FBLIM1: variants seen among roughly 807,000 people sequenced by gnomAD.
The protein encoded by FBLIM1 is filamin-binding LIM protein 1.
In FBLIM1, 29 loss-of-function variants were observed where a neutral mutation model predicts 37.4. The ratio of observed to expected loss-of-function variants is 0.77; its 90% CI spans 0.58 to 1.06. The LOEUF (loss-of-function observed/expected upper bound fraction) is 1.06. Ranked by LOEUF, FBLIM1 falls within the 50% of genes least tolerant of loss-of-function variation. The probability of loss-of-function intolerance (pLI) is 0.00; values close to 1 mark genes in which losing one functional copy is unlikely to be tolerated. For missense variants in FBLIM1, 449 were observed against 505.6 expected (o/e 0.89, Z 1.07); for synonymous variants, 193 against 199.0 (o/e 0.97, Z 0.25).
intron 8 of FBLIM1, among the ~76,000 whole-genome samples, chr1:15,783,158 C>A (rs566030855): frequency 6.6e-6 from 1 of 152,102 alleles, no homozygotes; most frequent in Non-Finnish European, 1.5e-5. Flanking sequence ...CAAGTCTCTG[C>A]GCGCAAATTG....
rs1162659019 is a variant in FBLIM1, at chr1:15,768,552, C to T, written c.463C>T (p.Gln155Ter). The change falls in exon 5 of 9, where the codon CAG becomes TAG. Residue 155 changes from glutamine (Q) to a stop codon, truncating the protein, a stop_gained. Coordinates refer to ENST00000375766, the MANE Select transcript of FBLIM1 (RefSeq NM_017556.4). LOFTEE classifies it high-confidence loss of function. ...GGCCCCAGCGGAGGGACCTTCAGTC[C>T]AGCCCGGTCCCCTCAGGCCCATGGA... Reference protein sequence around the residue: ...PQAPAEGPSVQPGPLRPMEEE... With the variant: ...PQAPAEGPSV The T allele has an allele frequency of 2.5e-6, 4 of 1,605,034 alleles. No homozygotes were observed. Among genetic ancestry groups the T allele is most frequent in the South Asian group, 1.1e-5 (1 of 89,602 alleles).
intron 6 of FBLIM1, among the ~76,000 whole-genome samples, chr1:15,773,510 C>A (rs2069326676): frequency 6.6e-6 from 1 of 150,904 alleles, no homozygotes; most frequent in Non-Finnish European, 1.5e-5. Flanking sequence ...GAAACCCCGT[C>A]TCTACTAAAA....
chr1:15,772,465 A>AG (rs1238411915), intron 6 of FBLIM1, among the ~76,000 whole-genome samples: 1 of 152,016 alleles, frequency 6.6e-6, no homozygotes, highest in Non-Finnish European at 1.5e-5. Context: ...CATGAGAGGG[A>AG]GGGGGGAGTG....
chr1:15,781,804 C>T (rs2069649503), intron 8 of FBLIM1, among the ~76,000 whole-genome samples: 1 of 146,264 alleles, frequency 6.8e-6, no homozygotes, highest in Non-Finnish European at 1.5e-5. Flanking sequence ...CTGCAAGCTG[C>T]ACCTCCCGGG....
At chr1:15,757,343 C>G (rs1420711743), upstream of FBLIM1, among the ~76,000 whole-genome samples, 1 of 152,178 alleles carries the variant, frequency 6.6e-6, no homozygotes. This position sits in a 1 kb window ranked among gnomAD's most constrained non-coding sequence, Gnocchi z 4.1. Context: ...TTGAGCCTCT[C>G]GGGGCCTCAG....
chr1:15,772,982 C>T (rs2069293748), intron 6 of FBLIM1, among the ~76,000 whole-genome samples: 1 of 151,716 alleles, frequency 6.6e-6, no homozygotes, highest in Non-Finnish European at 1.5e-5. Flanking sequence ...ACGGGGGTTT[C>T]ACCATGTTGG....
At chr1:15,767,966 C>T (rs1298618206) in intron 4 of FBLIM1, among the ~76,000 whole-genome samples, 1 of 152,106 alleles carries the variant, frequency 6.6e-6, no homozygotes, top group Non-Finnish European at 1.5e-5. Flanking sequence ...TCACTGTAGC[C>T]TCCACCTCCC....
At position 15,771,561 on chromosome 1, in the gene FBLIM1, G is replaced by A. The variant is rs971850749; in HGVS notation, c.711+983G>A. The stretch of plus-strand genomic sequence containing the variant: ...GCACCTGGCCCCTTTTGCAGTTTAT[G>A]AAGCTGCATTCTCCTTGACTCCTTC... On this transcript the variant is annotated intron_variant, in intron 6 of 8. Transcript: ENST00000375766. 4.6e-5 allele frequency among the ~76,000 whole-genome samples: 7 copies of A among 152,124 alleles called. No homozygotes were observed. In the South Asian group the frequency reaches 8.3e-4, roughly 18 times the overall value.
At chr1:15,759,145 G>A (rs1403981091) in intron 1 of FBLIM1, among the ~76,000 whole-genome samples, 2 of 152,228 alleles carry the variant, frequency 1.3e-5, no homozygotes, top group East Asian at 3.9e-4. Flanking sequence ...CGGCGCGCAG[G>A]GCGGAAGCTC....
intron 5 of FBLIM1, 75 bp downstream of exon 5, chr1:15,768,705 G>GGGGTCCTC: frequency 8.6e-7 from 1 of 1,168,506 alleles, no homozygotes; most frequent in Non-Finnish European, 1.2e-6. Flanking sequence ...GAAACCAAGA[G>GGGGTCCTC]AGTGAGGACC....
At chr1:15,762,670 G>A (rs907285942) in intron 1 of FBLIM1, among the ~76,000 whole-genome samples, 7 of 152,302 alleles carry the variant, frequency 4.6e-5, no homozygotes, top group Admixed American at 2.6e-4. Flanking sequence ...GATTACAGGC[G>A]TGAGCCATCG....
chr1:15,756,892 G>C (rs966356838), upstream of FBLIM1, among the ~76,000 whole-genome samples: 2 of 152,186 alleles, frequency 1.3e-5, no homozygotes, highest in Non-Finnish European at 2.9e-5. Flanking sequence ...GGTGGTTCAG[G>C]GGCTGTCATG....
At chr1:15,774,503 C>G (rs976150583) in intron 6 of FBLIM1, 115 bp from the exon 7 acceptor site, 4 of 1,360,124 alleles carry the variant, frequency 2.9e-6, no homozygotes, top group Non-Finnish European at 3.0e-6. Flanking sequence ...GTCTGCAGGC[C>G]TCTCCTGTAC....
At chr1:15,774,513 C>T in intron 6 of FBLIM1, 105 bp from the exon 7 acceptor site, 1 of 1,453,452 alleles carries the variant, frequency 6.9e-7, no homozygotes, top group Non-Finnish European at 9.2e-7. Flanking sequence ...CTCTCCTGTA[C>T]TTCCCAGTTC....
intron 3 of FBLIM1, among the ~76,000 whole-genome samples, chr1:15,766,888 C>T (rs971379412): frequency 1.1e-4 from 13 of 118,498 alleles, no homozygotes; most frequent in African/African-American, 2.9e-4. Flanking sequence ...CCACTGCACC[C>T]GGCTTTTTTT....
At chr1:15,770,952 C>T (rs920681961) in intron 6 of FBLIM1, among the ~76,000 whole-genome samples, 5 of 151,602 alleles carry the variant, frequency 3.3e-5, no homozygotes, top group East Asian at 1.9e-4. Flanking sequence ...TTTTTTTTTG[C>T]GGTGGGGGAC....
chr1:15,778,801 C>A (rs1045731669), intron 8 of FBLIM1, among the ~76,000 whole-genome samples: 15 of 152,062 alleles, frequency 9.9e-5, no homozygotes, highest in African/African-American at 3.6e-4. Context: ...CCACCACGCC[C>A]AGCTAATGTT....
intron 8 of FBLIM1, among the ~76,000 whole-genome samples, chr1:15,782,969 T>C (rs1316711452): frequency 6.6e-6 from 1 of 152,078 alleles, no homozygotes; most frequent in Non-Finnish European, 1.5e-5. Flanking sequence ...CTAATTTTTA[T>C]ATTTTTAGTA....
At chr1:15,766,863 G>A (rs113886456) in intron 3 of FBLIM1, among the ~76,000 whole-genome samples, 1 of 149,342 alleles carries the variant, frequency 6.7e-6, no homozygotes. Context: ...AAAGTGCTGG[G>A]ATTACAGGTG....
Sources: gnomAD v4.1 joint callset for allele counts (sites outside exome capture counted in the v4.1 genomes callset) on GRCh38, gnomAD v4.1.1 for gene constraint, Gnocchi (gnomAD v3.1) non-coding constraint, MANE v1.5 for transcripts, NCBI Gene and HGNC (gene_info 2026-07-23, HGNC 2026-07-21) for gene names.